BCL9L: variants seen among roughly 807,000 people sequenced by gnomAD.
The protein encoded by BCL9L is BCL9 like.
Under a neutral mutation model 99.4 loss-of-function variants are expected in BCL9L, and 19 were observed. The ratio of observed to expected loss-of-function variants is 0.19; its 90% CI spans 0.13 to 0.28. The LOEUF (loss-of-function observed/expected upper bound fraction) is 0.28, where lower values mean the gene tolerates loss of function less well. Ranked by LOEUF, BCL9L falls within the 10% of genes least tolerant of loss-of-function variation. BCL9L has a pLI of 1.00. For missense variants in BCL9L, 2,023 were observed against 2,101.6 expected, an observed-to-expected ratio of 0.96 and a Z score of 0.73; for synonymous variants, 900 against 854.8, an observed-to-expected ratio of 1.05 and a Z score of -0.92.
At chr11:118,919,553 G>T (rs1428010171) in intron 1 of BCL9L, among the ~76,000 whole-genome samples, 1 of 151,984 alleles carries the variant, frequency 6.6e-6, no homozygotes, top group Non-Finnish European at 1.5e-5. Flanking sequence ...GTACTGGGGG[G>T]TCAAAGGGGA....
chr11:118,906,583 CTCTTT>C (rs1403773020), intron 5 of BCL9L, among the ~76,000 whole-genome samples: 1 of 152,112 alleles, frequency 6.6e-6, no homozygotes, highest in African/African-American at 2.4e-5. Context: ...AGCCAATGTA[CTCTTT>C]TCTTTCTTCT....
chr11:118,910,968 A>G, intron 2 of BCL9L: 1 of 256,710 alleles, frequency 3.9e-6, no homozygotes, highest in South Asian at 3.6e-5. Flanking sequence ...AGGCGCGGAG[A>G]CAGCCTGGGG....
rs1184639586 is a variant in BCL9L at position 118,896,735 on chromosome 11, C to A, written c.*1680G>T. Reference sequence around the variant, plus strand: ...TTACAGCTGCCAGTGCAAGACCAGGCCCTCCAGGCCAGGAAGGCTAGGGAC... The same window carrying A: ...TTACAGCTGCCAGTGCAAGACCAGGACCTCCAGGCCAGGAAGGCTAGGGAC... On this transcript the variant is annotated 3_prime_UTR_variant, in exon 10 of 10. Transcript: ENST00000683865. The A allele has an allele frequency of 6.5e-6, 1 of 152,782 alleles. No individual in the cohort carries two copies. Among genetic ancestry groups the A allele is most frequent in the Non-Finnish European group, 1.5e-5 (1 of 68,104 alleles). The allele number at this position is 152,782 out of a possible 1,614,324, so 9.5% of individuals were successfully genotyped here.
Position 118,903,606 on chromosome 11 carries a change from G to A in BCL9L, c.533-154C>T, listed in dbSNP as rs1056066325. 1.3e-5 allele frequency among the ~76,000 whole-genome samples: 2 copies of A among 152,208 alleles called. No individual in the cohort carries two copies. Among genetic ancestry groups the A allele is most frequent in the Non-Finnish European group, 2.9e-5 (2 of 68,036 alleles). On this transcript the variant is annotated intron_variant, in intron 5 of 9. Coordinates refer to ENST00000683865, the MANE Select transcript of BCL9L (RefSeq NM_001378213.1). This position sits in a 1 kb window ranked among gnomAD's most constrained non-coding sequence, Gnocchi z 5.6. ...GTGTTCTCACCAGGCTGGTTTCCAC[G>A]ATGGCAAGAGTGGTGACCATGTGGA...
At chr11:118,918,299 C>G (rs1230955254) in intron 2 of BCL9L, among the ~76,000 whole-genome samples, 1 of 150,016 alleles carries the variant, frequency 6.7e-6, no homozygotes, top group Non-Finnish European at 1.5e-5. Context: ...GTCTGTGTGT[C>G]TGTGTGTGTA....
chr11:118,908,168 A>G, intron 4 of BCL9L, 102 bp downstream of exon 4: 1 of 1,438,432 alleles, frequency 7.0e-7, no homozygotes, highest in South Asian at 1.5e-5. Context: ...AGAACGTGGG[A>G]TGAGGACTGG....
Position 118,921,162 on chromosome 11 carries a change from A to C in BCL9L, c.-130-2283T>G, listed in dbSNP as rs1344443739. 1.3e-5 allele frequency among the ~76,000 whole-genome samples: 2 copies of C among 152,178 alleles called. No homozygotes were observed. The highest frequency in any genetic ancestry group is 2.9e-5 in the Non-Finnish European group (2 of 68,028). ...CACAGAGGCTCCCGTATTCATAGAGACAGCCTAGGGGAGCTCAGGAAACAC... is the reference window on the plus strand; with the variant it reads ...CACAGAGGCTCCCGTATTCATAGAGCCAGCCTAGGGGAGCTCAGGAAACAC... On this transcript the variant is annotated intron_variant, in intron 1 of 9. Transcript: ENST00000683865. This position sits in a 1 kb window ranked among gnomAD's most constrained non-coding sequence, Gnocchi z 5.4.
chr11:118,919,864 T>G (rs1214393041), intron 1 of BCL9L, among the ~76,000 whole-genome samples: 1 of 152,160 alleles, frequency 6.6e-6, no homozygotes, highest in African/African-American at 2.4e-5. Context: ...TGAGCTCATC[T>G]CCTAAAGGTG....
rs748853560 is a variant in BCL9L, at chr11:118,907,483, T to C, written c.532A>G (p.Asn178Asp). 3 of 1,614,060 alleles carry C rather than the reference T, an allele frequency of 1.9e-6. No homozygotes were observed. In the African/African-American group the frequency reaches 4.0e-5, roughly 22 times the overall value. The change falls in exon 5 of 10, where the codon AAT becomes GAT. Residue 178 changes from asparagine (N) to aspartate (D), a missense_variant and splice_region_variant. Transcript: ENST00000683865. ...CACCCTGGCATCGACAGGCACTCAC[T>C]GTGGGTGGCCCCAATGGGCTTGTCG... is the stretch of plus-strand genomic sequence containing the variant. The part of the protein sequence containing the change: ...EDDKPIGATH[N>D]CNVADPAMAA...
chr11:118,911,920 G>C (rs1238753557), intron 2 of BCL9L, among the ~76,000 whole-genome samples: 1 of 152,250 alleles, frequency 6.6e-6, no homozygotes, highest in African/African-American at 2.4e-5. Context: ...GAACCTGTAA[G>C]AATTTGGGAA....
rs1940084978 is a variant in BCL9L, at chr11:118,899,208, T to C, written c.3707A>G (p.His1236Arg). The C allele has an allele frequency of 2.0e-6, 3 of 1,498,568 alleles. No homozygotes were observed. The highest frequency in any genetic ancestry group is 2.4e-5 in the Admixed American group (1 of 42,198). The allele number at this position is 1,498,568 out of a possible 1,614,324, so 92.8% of individuals were successfully genotyped here. A position where few individuals can be genotyped will look rare whatever the true frequency, so the allele number is the denominator to read the frequency against. ...MPFPPRLQQP[H>R]GAMAPTGGGG... ...ACCCCCAGTGGGGGCCATGGCACCATGGGGCTGCTGCAGCCGAGGGGGGAA... is the reference window on the plus strand; with the variant it reads ...ACCCCCAGTGGGGGCCATGGCACCACGGGGCTGCTGCAGCCGAGGGGGGAA... The change falls in exon 10 of 10, where the codon CAT becomes CGT. Residue 1236 changes from histidine (H) to arginine (R), a missense_variant. By Grantham distance (29) the His-to-Arg change is conservative. Transcript: ENST00000683865.
chr11:118,901,102 T>G lies in BCL9L; in HGVS notation c.2641A>C (p.Asn881His). The G allele has an allele frequency of 6.2e-7, 1 of 1,609,510 alleles. No individual in the cohort carries two copies. The highest frequency in any genetic ancestry group is 2.2e-5 in the East Asian group (1 of 44,756). Reference protein sequence around the residue: ...SPDQSSMPMSNVGTTRLSHMP... With the variant: ...SPDQSSMPMSHVGTTRLSHMP... ...TGGCTGAGCCGGGTGGTGCCCACGT[T>G]GCTCATGGGCATTGAGCTCTGATCA... Residue 881 changes from asparagine (N) to histidine (H), a missense_variant, in exon 8 of 10, where the codon AAC (asparagine) becomes CAC (histidine). Asn to His is a moderately conservative substitution (Grantham distance 68, BLOSUM62 1). Around this residue, in one of 3 missense-constraint regions of BCL9L, gnomAD observed 902 missense variants for 888.2 expected, o/e 1.02. Coordinates refer to ENST00000683865, the MANE Select transcript of BCL9L (RefSeq NM_001378213.1). This position sits in a 1 kb window ranked among gnomAD's most constrained non-coding sequence, Gnocchi z 6.6.
Position 118,902,306 on chromosome 11 carries a change from T to G in BCL9L, c.1437A>C (p.Leu479=). 1 of 1,568,864 alleles carries G rather than the reference T, an allele frequency of 6.4e-7. No homozygotes were observed. The highest frequency in any genetic ancestry group is 8.6e-7 in the Non-Finnish European group (1 of 1,156,728). Residue 479 remains leucine (L), a synonymous_variant, in exon 8 of 10, where the codon CTA becomes CTC. Coordinates refer to ENST00000683865, the MANE Select transcript of BCL9L (RefSeq NM_001378213.1). This position sits in a 1 kb window ranked among gnomAD's most constrained non-coding sequence, Gnocchi z 7.8. Reference sequence around the variant, plus strand: ...CTTCATGCTCCAGCGGGGGGCCCCCTAGGCTCTGTGTCTGTGAAATCATGG... The same window carrying G: ...CTTCATGCTCCAGCGGGGGGCCCCCGAGGCTCTGTGTCTGTGAAATCATGG... ...LQSMISQTQS[L]GGPPLEHEVP...
rs928084930 is a variant in BCL9L, at chr11:118,899,949, G to C, written c.3374C>G (p.Pro1125Arg). ...GGAGCCCTGCGGTGGTGGTGGGGGG[G>C]GCAGCAGGGGCCGGTCGGGCAGCAG... ...DELLPDRPLLPPPPPPQGSGP... is the reference protein window; with the variant it reads ...DELLPDRPLLRPPPPPQGSGP... Residue 1125 changes from proline (P) to arginine (R), a missense_variant, in exon 9 of 10, where the codon CCC (proline) becomes CGC (arginine). Coordinates refer to ENST00000683865, the MANE Select transcript of BCL9L (RefSeq NM_001378213.1). 6 of 1,613,578 alleles carry C rather than the reference G, an allele frequency of 3.7e-6. No individual in the cohort carries two copies. Among genetic ancestry groups the C allele is most frequent in the South Asian group, 3.3e-5 (3 of 91,068 alleles).
At chr11:118,904,178 C>T (rs893750540) in intron 5 of BCL9L, among the ~76,000 whole-genome samples, 1 of 152,164 alleles carries the variant, frequency 6.6e-6, no homozygotes, top group Non-Finnish European at 1.5e-5. Flanking sequence ...CGGTGTCTCA[C>T]GCCTGTAATC....
chr11:118,904,847 C>T (rs1005671439), intron 5 of BCL9L, among the ~76,000 whole-genome samples: 1 of 152,132 alleles, frequency 6.6e-6, no homozygotes, highest in African/African-American at 2.4e-5. Flanking sequence ...TGCTCTGGAC[C>T]CTATCTATCC....
rs1009091893 is a variant in BCL9L at position 118,900,701 on chromosome 11, G to A, written c.3042C>T (p.Ala1014=). The change falls in exon 8 of 10, where the codon GCC becomes GCT. Residue 1014 remains alanine, a synonymous_variant. Coordinates refer to ENST00000683865, the MANE Select transcript of BCL9L (RefSeq NM_001378213.1). The surrounding 1 kb of genome is among the most constrained non-coding windows in gnomAD (Gnocchi z 5.3). ...TCTGGGAGACCCCCGGGCTGGGCAT[G>A]GCCGTCTTAGGTGAGGCAACCCAGC... The part of the protein sequence containing the change: ...SPGWVASPKT[A]MPSPGVSQNK... The A allele has an allele frequency of 3.7e-6, 6 of 1,613,826 alleles. No individual in the cohort carries two copies. The highest frequency in any genetic ancestry group is 2.7e-5 in the African/African-American group (2 of 74,916).
intron 5 of BCL9L, among the ~76,000 whole-genome samples, chr11:118,907,204 T>C (rs1052902325): frequency 5.3e-5 from 8 of 152,200 alleles, no homozygotes; most frequent in Non-Finnish European, 1.2e-4. Flanking sequence ...GGTGGCAGCA[T>C]AGGCCAGGAA....
At chr11:118,907,671 C>T in intron 4 of BCL9L, 69 bp from the exon 5 acceptor site, 2 of 1,586,824 alleles carry the variant, frequency 1.3e-6, no homozygotes, top group Non-Finnish European at 1.7e-6. Context: ...CCCAGGGTCC[C>T]TCCCAGATCC....
Sources: gnomAD v4.1 joint callset for allele counts (sites outside exome capture counted in the v4.1 genomes callset) on GRCh38, gnomAD v4.1.1 for gene constraint, gnomAD v4.1.1 regional missense constraint, Gnocchi (gnomAD v3.1) non-coding constraint, MANE v1.5 for transcripts, NCBI Gene and HGNC (gene_info 2026-07-23, HGNC 2026-07-21) for gene names.